MFAP3L: variants seen among roughly 807,000 people sequenced by gnomAD.
MFAP3L encodes the protein microfibril associated protein 3 like.
MFAP3L carries 5 observed loss-of-function variants against 20.0 expected under a neutral mutation model. The ratio of observed to expected loss-of-function variants is 0.25; its 90% confidence interval spans 0.13 to 0.53. The LOEUF is 0.53. Among genes scored for constraint, MFAP3L ranks in the 20% least tolerant of loss-of-function variants. The pLI is 0.96. For missense variants in MFAP3L, 409 were observed against 527.5 expected, an observed-to-expected ratio of 0.78 and a Z score of 2.20; for synonymous variants, 219 against 213.0, an observed-to-expected ratio of 1.03 and a Z score of -0.25.
At chr4:170,014,910 G>A (rs777637823) in intron 1 of MFAP3L, among the ~76,000 whole-genome samples, 2 of 152,174 alleles carry the variant, frequency 1.3e-5, no homozygotes, top group Non-Finnish European at 2.9e-5. Context: ...CTCAACTCAC[G>A]ATGAGCCTGA....
rs1737585025 is a variant in MFAP3L, at chr4:169,990,546, C to T, written c.*832G>A. ...CATGGGTGGTGTGGGTATATTTAAC[C>T]TTTTACAATCTCCCTCTACATCTCA... is the stretch of plus-strand genomic sequence containing the variant. On this transcript the variant is annotated 3_prime_UTR_variant, in exon 3 of 3. Transcript: ENST00000361618. 1 of 152,492 alleles carries T rather than the reference C, an allele frequency of 6.6e-6. No homozygotes were observed. Among genetic ancestry groups the T allele is most frequent in the Non-Finnish European group, 1.5e-5 (1 of 68,024 alleles). 9.4% of individuals were successfully genotyped at this position (152,492 alleles called of 1,614,324 possible).
chr4:169,987,816 A>G lies in MFAP3L; in HGVS notation c.*3562T>C, dbSNP rs1737379467. 1 of 152,232 alleles carries G rather than the reference A, an allele frequency of 6.6e-6. No homozygotes were observed. The highest frequency in any genetic ancestry group is 6.5e-5 in the Admixed American group (1 of 15,284). The allele number at this position is 152,232 out of a possible 1,614,324, so 9.4% of individuals were successfully genotyped here. A position where few individuals can be genotyped will look rare whatever the true frequency, so the allele number is the denominator to read the frequency against. ...TTATCAGTCCATTAAAATAATTTAC[A>G]TAGCCATAGGTAAATTCATCCAGTC... is the stretch of plus-strand genomic sequence containing the variant. On this transcript the variant is annotated 3_prime_UTR_variant, in exon 3 of 3. Coordinates refer to ENST00000361618, the MANE Select transcript of MFAP3L (RefSeq NM_021647.8).
rs753610189 is a variant in MFAP3L, at chr4:170,005,662, G to C, written c.216C>G (p.Gly72=). The change falls in exon 2 of 3, where the codon GGC becomes GGG. Residue 72 remains glycine (G), a synonymous_variant. Transcript: ENST00000361618. The part of the protein sequence containing the change: ...NSALINCSVY[G]IPDPQFKWYN... ...ACCACTTGAACTGTGGGTCAGGGAT[G>C]CCATAAACACTACAGTTAATCAAGG... The C allele has an allele frequency of 1.1e-5, 18 of 1,614,070 alleles. No homozygotes were observed. In the Admixed American group the frequency reaches 2.8e-4, roughly 25 times the overall value.
intron 2 of MFAP3L, among the ~76,000 whole-genome samples, chr4:170,000,876 C>A (rs1181596512): frequency 6.6e-6 from 1 of 152,076 alleles, no homozygotes; most frequent in Non-Finnish European, 1.5e-5. Context: ...GTATGTGCCA[C>A]CAAGCCCTGC....
At position 169,991,998 on chromosome 4, in the gene MFAP3L, T is replaced by C; in HGVS notation, c.610A>G (p.Ile204Val). Reference sequence around the variant, plus strand: ...GTGATGATGGGGATGCGCTTGGCGATCTCAAATGCCTTCTGCAGCTTCTCT... The same window carrying C: ...GTGATGATGGGGATGCGCTTGGCGACCTCAAATGCCTTCTGCAGCTTCTCT... ...GAEKLQKAFE[I>V]AKRIPIITSA... The change falls in exon 3 of 3, where the codon ATC (isoleucine) becomes GTC (valine). Residue 204 changes from isoleucine to valine, a missense_variant. Ile to Val is a conservative substitution (Grantham distance 29, BLOSUM62 3). Around this residue, in one of 3 missense-constraint regions of MFAP3L, gnomAD observed 127 missense variants for 218.1 expected, o/e 0.58. Coordinates refer to ENST00000361618, the MANE Select transcript of MFAP3L (RefSeq NM_021647.8). This position sits in a 1 kb window ranked among gnomAD's most constrained non-coding sequence, Gnocchi z 4.9. 1 of 1,614,180 alleles carries C rather than the reference T, an allele frequency of 6.2e-7. No homozygotes were observed. Among genetic ancestry groups the C allele is most frequent in the Non-Finnish European group, 8.5e-7 (1 of 1,180,042 alleles).
At position 169,987,553 on chromosome 4, in the gene MFAP3L, A is replaced by T. The variant is rs1737360879; in HGVS notation, c.*3825T>A. On this transcript the variant is annotated 3_prime_UTR_variant, in exon 3 of 3. Transcript: ENST00000361618. ...CTGAAGAGTTTTAGCACTGATCAAC[A>T]CTGTATTTCCTAGGGCAGAATAAAA... 2 of 152,184 alleles carry T rather than the reference A, an allele frequency of 1.3e-5. No individual in the cohort carries two copies. The highest frequency in any genetic ancestry group is 4.8e-5 in the African/African-American group (2 of 41,466). 9.4% of individuals were successfully genotyped at this position (152,184 alleles called of 1,614,324 possible).
chr4:170,002,667 GC>G (rs1272125218), intron 2 of MFAP3L, among the ~76,000 whole-genome samples: 1 of 151,602 alleles, frequency 6.6e-6, no homozygotes, highest in Non-Finnish European at 1.5e-5. Flanking sequence ...GCACCGCCAC[GC>G]CCAGCTAATT....
intron 1 of MFAP3L, among the ~76,000 whole-genome samples, chr4:170,016,170 T>C (rs1295798736): frequency 1.3e-5 from 2 of 152,224 alleles, no homozygotes; most frequent in African/African-American, 4.8e-5. Context: ...ATAATGAATA[T>C]AAAACGCTAA....
At chr4:170,017,585 G>A (rs1043766883) in intron 1 of MFAP3L, among the ~76,000 whole-genome samples, 2 of 152,078 alleles carry the variant, frequency 1.3e-5, no homozygotes, top group Non-Finnish European at 2.9e-5. Context: ...TGCACACGGT[G>A]GTCACTGAGT....
At position 169,992,105 on chromosome 4, in the gene MFAP3L, T is replaced by C. The variant is rs1737753717; in HGVS notation, c.503A>G (p.Asn168Ser). Residue 168 changes from asparagine (N) to serine (S), a missense_variant, in exon 3 of 3, where the codon AAT (asparagine) becomes AGT (serine). Asn to Ser is a conservative substitution (Grantham distance 46). Transcript: ENST00000361618. This position sits in a 1 kb window ranked among gnomAD's most constrained non-coding sequence, Gnocchi z 4.3. The part of the protein sequence containing the change: ...LVAFTIVMVL[N>S]ITRLCMMSSH... Reference sequence around the variant, plus strand: ...GCTCATCATGCACAGGCGGGTGATATTGAGGACCATGACGATGGTGAAGGC... The same window carrying C: ...GCTCATCATGCACAGGCGGGTGATACTGAGGACCATGACGATGGTGAAGGC... 1 of 1,614,138 alleles carries C rather than the reference T, an allele frequency of 6.2e-7. No individual in the cohort carries two copies. The highest frequency in any genetic ancestry group is 2.2e-5 in the East Asian group (1 of 44,874).
chr4:169,999,308 G>A (rs1270222751), intron 2 of MFAP3L, among the ~76,000 whole-genome samples: 1 of 152,208 alleles, frequency 6.6e-6, no homozygotes, highest in Non-Finnish European at 1.5e-5. Context: ...TTCAACTCAG[G>A]AAGGTGGGGA....
intron 2 of MFAP3L, among the ~76,000 whole-genome samples, chr4:169,999,849 T>C (rs1738488167): frequency 6.6e-6 from 1 of 152,198 alleles, no homozygotes; most frequent in Admixed American, 6.5e-5. Context: ...TCCTTTGGGT[T>C]ACAGCAGGGT....
Position 170,005,972 on chromosome 4 carries a change from C to A in MFAP3L, c.-95G>T. 6.7e-7 allele frequency: 1 copy of A among 1,494,120 alleles called. No homozygotes were observed. The highest frequency in any genetic ancestry group is 8.9e-7 in the Non-Finnish European group (1 of 1,120,374). 92.6% of individuals were successfully genotyped at this position (1,494,120 alleles called of 1,614,324 possible). ...TGTTCACAGCAGGTCATGGGACAAA[C>A]CTGTCCTGGGTCCATAGAGTTGGTA... On this transcript the variant is annotated 5_prime_UTR_variant, in exon 2 of 3. Coordinates refer to ENST00000361618, the MANE Select transcript of MFAP3L (RefSeq NM_021647.8).
At chr4:170,017,160 GTAGT>G (rs1739750947) in intron 1 of MFAP3L, among the ~76,000 whole-genome samples, 1 of 152,112 alleles carries the variant, frequency 6.6e-6, no homozygotes, top group Non-Finnish European at 1.5e-5. Context: ...ACTGGAGAGG[GTAGT>G]TAAATAGCAT....
chr4:170,011,103 T>C (rs1739356485), intron 1 of MFAP3L, among the ~76,000 whole-genome samples: 1 of 152,242 alleles, frequency 6.6e-6, no homozygotes, highest in African/African-American at 2.4e-5. Context: ...TGCTGCCGTG[T>C]AAGACATGCC....
Position 169,992,314 on chromosome 4 carries a change from C to A in MFAP3L, c.299-5G>T. ...TGTCGTGCATTTGCCATTTTCCTGT[C>A]GGAAGGGAGAGAAGAGAATTCAACC... is the stretch of plus-strand genomic sequence containing the variant. On this transcript the variant is annotated splice_region_variant and splice_polypyrimidine_tract_variant and intron_variant, in intron 2 of 2. Coordinates refer to ENST00000361618, the MANE Select transcript of MFAP3L (RefSeq NM_021647.8). The surrounding 1 kb of genome is among the most constrained non-coding windows in gnomAD (Gnocchi z 4.3). The A allele has an allele frequency of 2.5e-6, 4 of 1,599,172 alleles. No individual in the cohort carries two copies. Among genetic ancestry groups the A allele is most frequent in the Non-Finnish European group, 3.4e-6 (4 of 1,171,612 alleles).
intron 2 of MFAP3L, chr4:169,994,246 A>C: frequency 1.0e-6 from 1 of 985,328 alleles, no homozygotes; most frequent in Non-Finnish European, 1.2e-6. Context: ...GGAGGGTGAG[A>C]AGGTGAGGTT....
chr4:170,004,250 C>A (rs1323763771), intron 2 of MFAP3L, among the ~76,000 whole-genome samples: 1 of 150,164 alleles, frequency 6.7e-6, no homozygotes, highest in African/African-American at 2.5e-5. Context: ...GTCATAGCCA[C>A]TTAATAATAG....
At chr4:170,003,465 A>G (rs1738818409) in intron 2 of MFAP3L, among the ~76,000 whole-genome samples, 2 of 152,344 alleles carry the variant, frequency 1.3e-5, no homozygotes, top group Middle Eastern at 3.4e-3. Flanking sequence ...CAGCTTGCCA[A>G]CGCTGAGTCA....
Sources: allele counts gnomAD v4.1 joint callset (sites outside exome capture counted in the v4.1 genomes callset), GRCh38; gene constraint gnomAD v4.1.1; regional missense constraint gnomAD v4.1.1; non-coding constraint Gnocchi (gnomAD v3.1); transcripts MANE v1.5; gene names NCBI Gene and HGNC (gene_info 2026-07-23, HGNC 2026-07-21).